Variants in ATAD2B observed in about 807,000 individuals in gnomAD.
ATAD2B encodes the protein ATPase family AAA domain-containing protein 2B.
A neutral mutation model predicts 167.6 loss-of-function variants in ATAD2B; 40 were observed. The observed-to-expected ratio is 0.24, with a 90% CI of 0.19 to 0.31. ATAD2B has a LOEUF of 0.31. Among genes scored for constraint, ATAD2B ranks in the 10% least tolerant of loss-of-function variants. The pLI, the probability that ATAD2B is intolerant of heterozygous loss-of-function variation, is 1.00. For missense variants in ATAD2B, 1,242 were observed against 1,757.2 expected (o/e 0.71, Z 5.24); for synonymous variants, 579 against 596.5 (o/e 0.97, Z 0.43).
At chr2:23,845,244 T>C (rs1324527355) in intron 13 of ATAD2B, among the ~76,000 whole-genome samples, 1 of 152,146 alleles carries the variant, frequency 6.6e-6, no homozygotes, top group African/African-American at 2.4e-5. Context: ...AAATATATGT[T>C]CTACACAAAC....
the ATAD2B span, among the ~76,000 whole-genome samples, chr2:23,695,197 C>T: frequency 6.6e-6 from 1 of 152,140 alleles, no homozygotes; most frequent in African/African-American, 2.4e-5. This position sits in a 1 kb window ranked among gnomAD's most constrained non-coding sequence, Gnocchi z 7.6. Flanking sequence ...CTCCTTGAAG[C>T]TTTCCTGGGT....
chr2:23,895,711 T>A (rs1360273353), intron 2 of ATAD2B, 108 bp downstream of exon 2: 26 of 697,818 alleles, frequency 3.7e-5, no homozygotes, highest in Non-Finnish European at 4.8e-5. Context: ...TACTTATAAG[T>A]ATTTACAAGA....
At chr2:23,810,101 G>A (rs1685315145) in intron 18 of ATAD2B, among the ~76,000 whole-genome samples, 1 of 152,192 alleles carries the variant, frequency 6.6e-6, no homozygotes, top group Admixed American at 6.5e-5. Flanking sequence ...TTTCAGTAAG[G>A]AGGATCATGA....
chr2:23,923,125 TG>T (rs1334664959), intron 1 of ATAD2B, among the ~76,000 whole-genome samples: 1 of 152,172 alleles, frequency 6.6e-6, no homozygotes, highest in Non-Finnish European at 1.5e-5. Flanking sequence ...AAGAGATGAA[TG>T]TAGAAAACGT....
At chr2:23,872,997 C>T in intron 8 of ATAD2B, 2 of 720,832 alleles carry the variant, frequency 2.8e-6, no homozygotes, top group Non-Finnish European at 5.2e-6. Flanking sequence ...AGATCAACAC[C>T]AGTTTGTAGG....
chr2:23,842,358 C>T (rs545420074), intron 13 of ATAD2B, among the ~76,000 whole-genome samples: 1 of 151,990 alleles, frequency 6.6e-6, no homozygotes, highest in African/African-American at 2.4e-5. Context: ...ATAATAAAGA[C>T]CCAATCAGAG....
chr2:23,768,592 G>A (rs980499019), intron 22 of ATAD2B, among the ~76,000 whole-genome samples: 5 of 151,444 alleles, frequency 3.3e-5, no homozygotes, highest in Admixed American at 2.6e-4. Flanking sequence ...AAAAGACAAT[G>A]AGCATATCTA....
the ATAD2B span, among the ~76,000 whole-genome samples, chr2:23,733,594 T>C: frequency 6.6e-6 from 1 of 152,234 alleles, no homozygotes; most frequent in African/African-American, 2.4e-5. Context: ...GTGCTGCACC[T>C]GGATGCCAAA....
the ATAD2B span, among the ~76,000 whole-genome samples, chr2:23,735,235 A>T: frequency 1.9e-3 from 291 of 152,264 alleles, 7 homozygotes; most frequent in Non-Finnish European, 5.7e-4. Context: ...TTCCAAACTG[A>T]CTTTTTGACC....
intron 22 of ATAD2B, among the ~76,000 whole-genome samples, chr2:23,778,856 A>G (rs1204585402): frequency 6.6e-6 from 1 of 152,236 alleles, no homozygotes; most frequent in Non-Finnish European, 1.5e-5. Flanking sequence ...CTAGGTCTGA[A>G]TCCAAAGCCC....
intron 1 of ATAD2B, among the ~76,000 whole-genome samples, chr2:23,897,343 T>C (rs766951756): frequency 2.0e-5 from 3 of 152,360 alleles, no homozygotes; most frequent in Non-Finnish European, 4.4e-5. Context: ...AAAGTAACTA[T>C]GTTTTCCTTT....
intron 2 of ATAD2B, among the ~76,000 whole-genome samples, chr2:23,889,882 G>A (rs888094775): frequency 1.3e-5 from 2 of 151,510 alleles, no homozygotes; most frequent in African/African-American, 4.9e-5. Context: ...TCACATCACT[G>A]CACTCCAGCC....
At chr2:23,787,999 G>A (rs1681076744) in intron 20 of ATAD2B, among the ~76,000 whole-genome samples, 1 of 152,010 alleles carries the variant, frequency 6.6e-6, no homozygotes, top group African/African-American at 2.4e-5. Flanking sequence ...TAAAACAAAG[G>A]CAGGATAGAT....
At chr2:23,829,003 T>C (rs1254232589) in intron 14 of ATAD2B, 64 bp from the exon 15 acceptor site, 1 of 1,070,290 alleles carries the variant, frequency 9.3e-7, no homozygotes, top group African/African-American at 1.6e-5. Context: ...TAAAATATTA[T>C]CAATCCCTCA....
At chr2:23,701,040 G>GAC in the ATAD2B span, among the ~76,000 whole-genome samples, 1 of 152,152 alleles carries the variant, frequency 6.6e-6, no homozygotes, top group Non-Finnish European at 1.5e-5. Flanking sequence ...ATATCTGACT[G>GAC]TCTGCTGCAC....
At chr2:23,799,054 T>C (rs1025112794) in intron 18 of ATAD2B, among the ~76,000 whole-genome samples, 2 of 152,198 alleles carry the variant, frequency 1.3e-5, no homozygotes, top group South Asian at 2.1e-4. Flanking sequence ...AGGTTGGCTA[T>C]TAGTAAGCTG....
intron 18 of ATAD2B, among the ~76,000 whole-genome samples, chr2:23,807,923 TATATTTATAATATATATAAATATATAA>T (rs1463100686): frequency 3.8e-5 from 5 of 130,688 alleles, no homozygotes; most frequent in African/African-American, 1.2e-4. Context: ...AATATATAAA[TATATTTATAATATATATAAATATATAA>T]ATATTTATAA....
At chr2:23,859,344 C>G (rs1232548094) in intron 12 of ATAD2B, among the ~76,000 whole-genome samples, 1 of 152,068 alleles carries the variant, frequency 6.6e-6, no homozygotes, top group Non-Finnish European at 1.5e-5. Context: ...AGGTCTCACT[C>G]TCTCACCCAG....
At chr2:23,743,333 G>A in the ATAD2B span, among the ~76,000 whole-genome samples, 2 of 152,076 alleles carry the variant, frequency 1.3e-5, no homozygotes, top group Non-Finnish European at 2.9e-5. Context: ...TTGGGAGGCC[G>A]AGGCAGGTGG....
Sources: allele counts gnomAD v4.1 joint callset (sites outside exome capture counted in the v4.1 genomes callset), GRCh38; gene constraint gnomAD v4.1.1; non-coding constraint Gnocchi (gnomAD v3.1); transcripts MANE v1.5; gene names NCBI Gene and HGNC (gene_info 2026-07-23, HGNC 2026-07-21).